Variants in PPFIBP2 observed in about 807,000 individuals in gnomAD.
PPFIBP2 encodes the protein liprin-beta-2.
In PPFIBP2, 118 loss-of-function variants were observed where a neutral mutation model predicts 118.3. That is an observed-to-expected ratio of 1.00 (90% CI 0.86 to 1.16). The LOEUF (loss-of-function observed/expected upper bound fraction) is 1.16, where lower values mean the gene tolerates loss of function less well. Ranked by LOEUF, PPFIBP2 falls within the 50% of genes most tolerant of loss-of-function variation. PPFIBP2 has a pLI of 0.00. For synonymous variants in PPFIBP2, 414 were observed against 397.4 expected (o/e 1.04, Z -0.50); for missense variants, 1,195 against 1,073.1 (o/e 1.11, Z -1.59).
intron 1 of PPFIBP2, among the ~76,000 whole-genome samples, chr11:7,535,150 T>G (rs1335262770): frequency 6.6e-6 from 1 of 152,228 alleles, no homozygotes; most frequent in Non-Finnish European, 1.5e-5. Context: ...TATCCTCCCA[T>G]TGGGTCTTGC....
In PPFIBP2 at chr11:7,639,792, A is replaced by G. The variant is rs1851907860; in HGVS notation, c.1297A>G (p.Thr433Ala). 6.2e-7 allele frequency: 1 copy of G among 1,614,178 alleles called. No homozygotes were observed. The highest frequency in any genetic ancestry group is 1.3e-5 in the African/African-American group (1 of 75,062). Residue 433 changes from threonine to alanine, a missense_variant, in exon 15 of 24, where the codon ACG (threonine) becomes GCG (alanine). Transcript: ENST00000299492. Reference protein sequence around the residue: ...PTLPGKLSGATPNGEAAKSPP... With the variant: ...PTLPGKLSGAAPNGEAAKSPP... Reference sequence around the variant, plus strand: ...TTTACCTGGGAAGCTTTCAGGAGCCACGCCCAATGGAGAGGCTGCCAAATC... The same window carrying G: ...TTTACCTGGGAAGCTTTCAGGAGCCGCGCCCAATGGAGAGGCTGCCAAATC...
chr11:7,589,258 C>G (rs1858779638), intron 3 of PPFIBP2, among the ~76,000 whole-genome samples: 4 of 152,114 alleles, frequency 2.6e-5, no homozygotes, highest in Admixed American at 2.6e-4. Context: ...ATGATACTCT[C>G]CTTTATAGTC....
chr11:7,625,666 T>C, intron 7 of PPFIBP2, 111 bp from the exon 8 acceptor site: 1 of 805,274 alleles, frequency 1.2e-6, no homozygotes, highest in Non-Finnish European at 2.1e-6. Flanking sequence ...CCTCTTCTCC[T>C]AACTCCTGAT....
chr11:7,571,850 A>G (rs1855687095), intron 3 of PPFIBP2: 1 of 152,222 alleles, frequency 6.6e-6, no homozygotes, highest in South Asian at 2.1e-4. Flanking sequence ...AGAAGCCACT[A>G]GGTGGGAGTC....
intron 1 of PPFIBP2, among the ~76,000 whole-genome samples, chr11:7,515,834 A>G (rs577419123): frequency 6.6e-6 from 1 of 152,330 alleles, no homozygotes; most frequent in East Asian, 1.9e-4. Flanking sequence ...AGCCTGATAC[A>G]GAGAAAATCC....
chr11:7,646,703 C>T (rs1005979045), intron 17 of PPFIBP2, among the ~76,000 whole-genome samples: 1 of 152,158 alleles, frequency 6.6e-6, no homozygotes, highest in African/African-American at 2.4e-5. Flanking sequence ...CCAGCCTGGG[C>T]AGCAAAGCCA....
At chr11:7,558,753 CAAA>C (rs573342518) in intron 2 of PPFIBP2, among the ~76,000 whole-genome samples, 3 of 133,668 alleles carry the variant, frequency 2.2e-5, no homozygotes, top group African/African-American at 5.3e-5. Flanking sequence ...AACTCTGTCT[CAAA>C]AAAAAAAAAA....
chr11:7,541,029 A>T (rs1462157586), intron 1 of PPFIBP2, among the ~76,000 whole-genome samples: 1 of 152,210 alleles, frequency 6.6e-6, no homozygotes, highest in Non-Finnish European at 1.5e-5. Flanking sequence ...AGTCCATATG[A>T]TGATAGACCA....
At chr11:7,590,703 C>G (rs183215344) in intron 3 of PPFIBP2, among the ~76,000 whole-genome samples, 2 of 152,350 alleles carry the variant, frequency 1.3e-5, no homozygotes, top group East Asian at 3.9e-4. Context: ...TGTGTATTTA[C>G]AGCACTGTGC....
intron 1 of PPFIBP2, among the ~76,000 whole-genome samples, chr11:7,528,355 A>C (rs1437555722): frequency 6.6e-6 from 1 of 152,202 alleles, no homozygotes; most frequent in Non-Finnish European, 1.5e-5. Context: ...ATTACAATAG[A>C]AACTGTTACT....
Position 7,653,043 on chromosome 11 carries a change from C to T in PPFIBP2, c.2456C>T (p.Ser819Leu). The stretch of plus-strand genomic sequence containing the variant: ...TTTTAGCCAAGGAAACTAGGATTTT[C>T]ACACTTCGGAAACATAAGAAAAAAG... ...AKVRPRKLGF[S>L]HFGNIRKKKF... Residue 819 changes from serine to leucine, a missense_variant, in exon 24 of 24, where the codon TCA (serine) becomes TTA (leucine). Coordinates refer to ENST00000299492, the MANE Select transcript of PPFIBP2 (RefSeq NM_003621.5). 1 of 1,610,042 alleles carries T rather than the reference C, an allele frequency of 6.2e-7. No homozygotes were observed. The highest frequency in any genetic ancestry group is 8.5e-7 in the Non-Finnish European group (1 of 1,177,174).
At chr11:7,655,888 CAG>C (rs1854640971), downstream of PPFIBP2, among the ~76,000 whole-genome samples, 1 of 152,164 alleles carries the variant, frequency 6.6e-6, no homozygotes, top group Non-Finnish European at 1.5e-5. Context: ...ACCCTCTGCC[CAG>C]AGACATATGC....
At chr11:7,526,614 G>A (rs1276918735) in intron 1 of PPFIBP2, among the ~76,000 whole-genome samples, 1 of 152,176 alleles carries the variant, frequency 6.6e-6, no homozygotes, top group African/African-American at 2.4e-5. Flanking sequence ...GCTCACGCCT[G>A]TAATCCCAGC....
intron 5 of PPFIBP2, among the ~76,000 whole-genome samples, chr11:7,604,400 T>G (rs975342573): frequency 1.3e-5 from 2 of 151,966 alleles, no homozygotes; most frequent in African/African-American, 2.4e-5. Flanking sequence ...GCAGAAATCT[T>G]GTTGAGGAGT....
chr11:7,637,093 C>G (rs964851992), intron 14 of PPFIBP2, among the ~76,000 whole-genome samples: 2 of 152,246 alleles, frequency 1.3e-5, no homozygotes, highest in Admixed American at 1.3e-4. Flanking sequence ...CTCCCCTACT[C>G]CTGACAGCTC....
intron 3 of PPFIBP2, among the ~76,000 whole-genome samples, chr11:7,572,767 TTTTG>T (rs1197156165): frequency 3.3e-5 from 5 of 152,254 alleles, no homozygotes; most frequent in African/African-American, 1.2e-4. Flanking sequence ...TCGAAGAATG[TTTTG>T]TTTGTTTTGT....
At chr11:7,651,536 C>T (rs1854001469) in intron 22 of PPFIBP2, 120 bp from the exon 23 acceptor site, 1 of 845,244 alleles carries the variant, frequency 1.2e-6, no homozygotes, top group East Asian at 2.6e-5. Flanking sequence ...GAACAAGTGA[C>T]TGAGCTCCTG....
chr11:7,613,958 G>A (rs1218703629), intron 6 of PPFIBP2, among the ~76,000 whole-genome samples: 3 of 152,214 alleles, frequency 2.0e-5, no homozygotes, highest in Non-Finnish European at 4.4e-5. Flanking sequence ...ACATCTCACA[G>A]CACAAGTGAT....
intron 3 of PPFIBP2, among the ~76,000 whole-genome samples, chr11:7,590,232 C>CA (rs1858990783): frequency 6.6e-6 from 1 of 152,214 alleles, no homozygotes; most frequent in South Asian, 2.1e-4. Flanking sequence ...CTGAAGAACG[C>CA]AGTTTTTTTT....
Sources: gnomAD v4.1 joint callset for allele counts (sites outside exome capture counted in the v4.1 genomes callset) on GRCh38, gnomAD v4.1.1 for gene constraint, MANE v1.5 for transcripts, NCBI Gene and HGNC (gene_info 2026-07-23, HGNC 2026-07-21) for gene names.